Variants in KIAA0825 observed in about 807,000 individuals in gnomAD.
KIAA0825 encodes the protein uncharacterized protein KIAA0825.
A neutral mutation model predicts 147.6 loss-of-function variants in KIAA0825; 119 were observed. That is an observed-to-expected ratio of 0.81 (90% confidence interval 0.69 to 0.94). KIAA0825 has a LOEUF of 0.94. KIAA0825 is among the 40% of genes least tolerant of loss of function. The probability of loss-of-function intolerance (pLI) is 0.00; values close to 1 mark genes in which losing one functional copy is unlikely to be tolerated. For missense variants in KIAA0825, 1,381 were observed against 1,472.7 expected (o/e 0.94, Z 1.02); for synonymous variants, 470 against 518.1 (o/e 0.91, Z 1.26).
Position 94,327,803 on chromosome 5 carries a change from C to T in KIAA0825, c.3710+56565G>A, listed in dbSNP as rs867484800. Among the ~76,000 whole-genome samples the T allele has an allele frequency of 7.2e-5, 11 of 152,064 alleles. No homozygotes were observed. In the South Asian group the frequency reaches 1.7e-3, roughly 23 times the overall value. On this transcript the variant is annotated intron_variant, in intron 20 of 20. Coordinates refer to ENST00000682413, the MANE Select transcript of KIAA0825 (RefSeq NM_001145678.3). ...TGGGCAGATCATGAGGTCAAGAGAT[C>T]AAGACCATCCTGGCCAACAAGGTGA...
At chr5:94,225,752 G>C (rs1168781536) in intron 20 of KIAA0825, among the ~76,000 whole-genome samples, 1 of 152,158 alleles carries the variant, frequency 6.6e-6, no homozygotes, top group Non-Finnish European at 1.5e-5. Flanking sequence ...ATGGTAATTT[G>C]TTGTAGCTGC....
chr5:94,570,355 A>G (rs1020382414), intron 2 of KIAA0825: 5 of 154,128 alleles, frequency 3.2e-5, no homozygotes, highest in African/African-American at 1.2e-4. Context: ...AACCCGAATG[A>G]TATTTCCTAT....
chr5:94,262,761 C>T (rs1776557659), intron 20 of KIAA0825, among the ~76,000 whole-genome samples: 1 of 152,008 alleles, frequency 6.6e-6, no homozygotes, highest in Non-Finnish European at 1.5e-5. Flanking sequence ...AGGATACATA[C>T]ACATCTCTCA....
At chr5:94,364,920 A>G (rs1745616988) in intron 20 of KIAA0825, among the ~76,000 whole-genome samples, 1 of 152,094 alleles carries the variant, frequency 6.6e-6, no homozygotes, top group Admixed American at 6.6e-5. Flanking sequence ...AGTTGTGCCA[A>G]TAGGAAAGGG....
At chr5:94,583,263 G>GT (rs1782577768) in intron 1 of KIAA0825, among the ~76,000 whole-genome samples, 1 of 152,180 alleles carries the variant, frequency 6.6e-6, no homozygotes, top group Non-Finnish European at 1.5e-5. Context: ...AAGGGAAGCC[G>GT]TGAGTGTCTG....
intron 3 of KIAA0825, among the ~76,000 whole-genome samples, chr5:94,529,357 T>G (rs1337951931): frequency 6.8e-6 from 1 of 146,192 alleles, no homozygotes; most frequent in African/African-American, 2.5e-5. Flanking sequence ...CATATATGTA[T>G]ATATCATATA....
intron 1 of KIAA0825, among the ~76,000 whole-genome samples, chr5:94,586,880 G>A (rs969905486): frequency 6.6e-6 from 1 of 152,126 alleles, no homozygotes; most frequent in African/African-American, 2.4e-5. Context: ...ATGCAAGGCT[G>A]GTTCAACATA....
At chr5:94,221,790 G>T (rs1773685425) in intron 20 of KIAA0825, among the ~76,000 whole-genome samples, 1 of 152,140 alleles carries the variant, frequency 6.6e-6, no homozygotes, top group South Asian at 2.1e-4. Context: ...AACAAATACA[G>T]AGGTCTCTGT....
intron 1 of KIAA0825, among the ~76,000 whole-genome samples, chr5:94,591,142 A>C (rs1421768754): frequency 6.6e-6 from 1 of 152,226 alleles, no homozygotes; most frequent in East Asian, 1.9e-4. Flanking sequence ...ATCATCACAA[A>C]TTTATAAAAC....
chr5:94,515,281 C>T (rs1767044536), intron 5 of KIAA0825, among the ~76,000 whole-genome samples: 1 of 152,022 alleles, frequency 6.6e-6, no homozygotes. Flanking sequence ...TAAAATGTTA[C>T]AATATAAGAA....
At chr5:94,222,858 A>G (rs1421062155) in intron 20 of KIAA0825, among the ~76,000 whole-genome samples, 1 of 152,178 alleles carries the variant, frequency 6.6e-6, no homozygotes, top group Non-Finnish European at 1.5e-5. Flanking sequence ...TATATTTAAG[A>G]TATACAATAT....
intron 2 of KIAA0825, among the ~76,000 whole-genome samples, chr5:94,553,512 C>A (rs1444913957): frequency 6.6e-6 from 1 of 151,024 alleles, no homozygotes; most frequent in Non-Finnish European, 1.5e-5. Flanking sequence ...GCCTGTAATC[C>A]CCAGCAATTT....
intron 2 of KIAA0825, among the ~76,000 whole-genome samples, chr5:94,573,229 G>A (rs1472159376): frequency 6.7e-6 from 1 of 149,974 alleles, no homozygotes; most frequent in African/African-American, 2.5e-5. Flanking sequence ...AAATGTTCAG[G>A]TTAAGATAAA....
intron 20 of KIAA0825, among the ~76,000 whole-genome samples, chr5:94,192,743 A>C (rs187303584): frequency 5.3e-5 from 8 of 152,314 alleles, no homozygotes; most frequent in African/African-American, 1.9e-4. Context: ...CTGGACAAAC[A>C]CAATTGGGTA....
At chr5:94,181,213 T>A (rs183608919) in intron 20 of KIAA0825, among the ~76,000 whole-genome samples, 259 of 152,320 alleles carry the variant, frequency 1.7e-3, no homozygotes, top group African/African-American at 5.0e-3. Flanking sequence ...GCATTTGCAT[T>A]GTGAGCATTA....
At chr5:94,585,078 G>A (rs1783018769) in intron 1 of KIAA0825, among the ~76,000 whole-genome samples, 2 of 152,276 alleles carry the variant, frequency 1.3e-5, no homozygotes, top group East Asian at 1.9e-4. Context: ...ACCAGCCACT[G>A]CAAAAACATG....
chr5:94,165,761 A>G (rs1205530010), intron 20 of KIAA0825, among the ~76,000 whole-genome samples: 2 of 152,198 alleles, frequency 1.3e-5, no homozygotes, highest in Non-Finnish European at 2.9e-5. Context: ...CGGAAAGACA[A>G]ACATCACATG....
intron 3 of KIAA0825, among the ~76,000 whole-genome samples, chr5:94,528,878 C>T (rs1283897031): frequency 2.0e-5 from 3 of 150,246 alleles, no homozygotes; most frequent in Admixed American, 1.3e-4. Context: ...CAAAACCATA[C>T]AAACTGAAAT....
Position 94,417,059 on chromosome 5 carries a change from C to A in KIAA0825, c.2662+142G>T, listed in dbSNP as rs540765843. 1.7e-3 allele frequency: 1,249 copies of A among 730,284 alleles called. 3 individuals carry two copies. Among genetic ancestry groups the A allele is most frequent in the Non-Finnish European group, 2.2e-3 (1,006 of 447,416 alleles). 45.2% of individuals were successfully genotyped at this position (730,284 alleles called of 1,614,324 possible). A position where few individuals can be genotyped will look rare whatever the true frequency, so the allele number is the denominator to read the frequency against. ...ATAATTAATGATTCCCAACAGAAGG[C>A]TTTATACTGAAAAAATGTAAGGTAA... On this transcript the variant is annotated intron_variant, in intron 15 of 20. Transcript: ENST00000682413.
Sources: gnomAD v4.1 joint callset for allele counts (sites outside exome capture counted in the v4.1 genomes callset) on GRCh38, gnomAD v4.1.1 for gene constraint, MANE v1.5 for transcripts, NCBI Gene and HGNC (gene_info 2026-07-23, HGNC 2026-07-21) for gene names.